Variants in CAPN2 observed in about 807,000 individuals in gnomAD.
CAPN2 encodes the protein calpain 2, also known as calpain-2 catalytic subunit.
Under a neutral mutation model 102.3 loss-of-function variants are expected in CAPN2, and 92 were observed. The observed-to-expected ratio is 0.90, with a 90% CI of 0.76 to 1.07. The LOEUF (loss-of-function observed/expected upper bound fraction) is 1.07. Among genes scored for constraint, CAPN2 ranks in the 50% least tolerant of loss-of-function variants. The pLI is 0.00. For missense variants in CAPN2, 800 were observed against 909.4 expected, an observed-to-expected ratio of 0.88 and a Z score of 1.55; for synonymous variants, 340 against 355.4, an observed-to-expected ratio of 0.96 and a Z score of 0.49.
intron 3 of CAPN2, among the ~76,000 whole-genome samples, chr1:223,744,436 T>C (rs1026718952): frequency 1.3e-5 from 2 of 151,770 alleles, no homozygotes; most frequent in South Asian, 4.2e-4. Context: ...TCTTGGGACA[T>C]GTAAAAGGGA....
chr1:223,732,778 T>A (rs1407713616), intron 2 of CAPN2, among the ~76,000 whole-genome samples: 3 of 152,162 alleles, frequency 2.0e-5, no homozygotes, highest in Non-Finnish European at 4.4e-5. Context: ...ATGGTGATTT[T>A]CTTCTACAGG....
At chr1:223,770,007 C>A in intron 17 of CAPN2, 98 bp downstream of exon 17, 1 of 1,011,682 alleles carries the variant, frequency 9.9e-7, no homozygotes, top group Non-Finnish European at 1.5e-6. Context: ...GAAACATTTC[C>A]AAGGGGATTG....
chr1:223,723,140 G>A (rs1036631641), intron 2 of CAPN2, among the ~76,000 whole-genome samples: 3 of 152,060 alleles, frequency 2.0e-5, no homozygotes, highest in Non-Finnish European at 4.4e-5. Context: ...GGGCAACATA[G>A]CAAAACTCTG....
At chr1:223,712,055 C>T (rs1286834112), upstream of CAPN2, among the ~76,000 whole-genome samples, 1 of 152,180 alleles carries the variant, frequency 6.6e-6, no homozygotes, top group Non-Finnish European at 1.5e-5. Context: ...GTCTCCGAGG[C>T]TCAGTTTTCT....
chr1:223,765,098 C>G (rs1354335464), intron 15 of CAPN2, among the ~76,000 whole-genome samples: 1 of 152,248 alleles, frequency 6.6e-6, no homozygotes, highest in Non-Finnish European at 1.5e-5. Context: ...AGTTAGGAAT[C>G]TGCATCAGAG....
intron 1 of CAPN2, among the ~76,000 whole-genome samples, chr1:223,706,302 G>A (rs1224706764): frequency 6.6e-6 from 1 of 152,162 alleles, no homozygotes; most frequent in Admixed American, 6.5e-5. Context: ...TCCCTCCTGA[G>A]TGGCATCTAA....
chr1:223,751,934 C>CT, intron 7 of CAPN2, 63 bp from the exon 8 acceptor site: 1 of 1,133,618 alleles, frequency 8.8e-7, no homozygotes, highest in Non-Finnish European at 1.3e-6. Flanking sequence ...TCTTCCTCAA[C>CT]TCTGGGGCCT....
chr1:223,727,029 A>G lies in CAPN2; in HGVS notation c.307+9198A>G, dbSNP rs1660211018. ...CTCCTCCCTTCCAAAGCGAAGACCC[A>G]CAGCTGCCTGAAAATGTGGCTCTCC... On this transcript the variant is annotated intron_variant, in intron 2 of 20. Transcript: ENST00000295006. The surrounding 1 kb of genome is among the most constrained non-coding windows in gnomAD (Gnocchi z 4.1). 6.6e-6 allele frequency among the ~76,000 whole-genome samples: 1 copy of G among 152,130 alleles called. No individual in the cohort carries two copies. Among genetic ancestry groups the G allele is most frequent in the Non-Finnish European group, 1.5e-5 (1 of 68,020 alleles).
rs528457869 is a variant in CAPN2, at chr1:223,754,899, G to T, written c.1136-581G>T. 6.5e-3 allele frequency among the ~76,000 whole-genome samples: 992 copies of T among 152,248 alleles called. 20 individuals carry two copies. Among genetic ancestry groups the T allele is most frequent in the African/African-American group, 0.023 (942 of 41,550 alleles). On this transcript the variant is annotated intron_variant, in intron 9 of 20. Transcript: ENST00000295006. The surrounding 1 kb of genome is among the most constrained non-coding windows in gnomAD (Gnocchi z 4.7). ...GCCCCAGGCTCCCCATCAGAGCCCA[G>T]TGAAGAGAAGGTACCATGAGGGGAA...
chr1:223,736,413 CAG>C (rs1429731298), intron 2 of CAPN2, among the ~76,000 whole-genome samples: 1 of 152,226 alleles, frequency 6.6e-6, no homozygotes, highest in African/African-American at 2.4e-5. Flanking sequence ...GCGGTAAGGT[CAG>C]TGCTTTGAGG....
chr1:223,750,874 T>G lies in CAPN2; in HGVS notation c.814-16T>G, dbSNP rs763028781. The G allele has an allele frequency of 7.4e-5, 115 of 1,550,924 alleles. No individual in the cohort carries two copies. The highest frequency in any genetic ancestry group is 5.0e-4 in the Middle Eastern group (3 of 6,010). On this transcript the variant is annotated splice_polypyrimidine_tract_variant and intron_variant, in intron 6 of 20. Transcript: ENST00000295006. ...GAACTCAACCTCTTACTCCTCCCTT[T>G]TATCTAATCCTGCAGGTTGAAAGTA...
rs574161963 is a variant in CAPN2, at chr1:223,767,292, A to T, written c.1755+861A>T. ...CCATGCTGGTGCTTTGCACCCACTA[A>T]CTCGTCATCTAGCATTAGGTATATC... On this transcript the variant is annotated intron_variant, in intron 16 of 20. Coordinates refer to ENST00000295006, the MANE Select transcript of CAPN2 (RefSeq NM_001748.5). Among the ~76,000 whole-genome samples, 8 of 150,230 alleles carry T rather than the reference A, an allele frequency of 5.3e-5. No individual in the cohort carries two copies. In the South Asian group the frequency reaches 1.7e-3, roughly 32 times the overall value.
rs891735838 is a variant in CAPN2 at position 223,756,859 on chromosome 1, C to G, written c.1306-510C>G. On this transcript the variant is annotated intron_variant, in intron 10 of 20. Coordinates refer to ENST00000295006, the MANE Select transcript of CAPN2 (RefSeq NM_001748.5). The surrounding 1 kb of genome is among the most constrained non-coding windows in gnomAD (Gnocchi z 4.1). Reference sequence around the variant, plus strand: ...CCACCGGCTTATGGGCTTGGAAATGCAGCCACGGGCTTTCAGAGTTGGGAC... The same window carrying G: ...CCACCGGCTTATGGGCTTGGAAATGGAGCCACGGGCTTTCAGAGTTGGGAC... 1.3e-5 allele frequency among the ~76,000 whole-genome samples: 2 copies of G among 152,208 alleles called. No homozygotes were observed. Among genetic ancestry groups the G allele is most frequent in the Non-Finnish European group, 2.9e-5 (2 of 68,042 alleles).
Position 223,755,299 on chromosome 1 carries a change from T to TTCTGCCATAC in CAPN2, c.1136-172_1136-163dup, listed in dbSNP as rs964456813. Among the ~76,000 whole-genome samples the TTCTGCCATAC allele has an allele frequency of 1.4e-4, 22 of 151,852 alleles. No homozygotes were observed. The highest frequency in any genetic ancestry group is 2.9e-4 in the Non-Finnish European group (20 of 67,956). On this transcript the variant is annotated intron_variant, in intron 9 of 20. Transcript: ENST00000295006. The surrounding 1 kb of genome is among the most constrained non-coding windows in gnomAD (Gnocchi z 4.1). ...ACATCTCCCGCTGTCTCCCACCATCTTCTGCCATACTCTGCCATCTCCCAC... is the reference window on the plus strand; with the variant it reads ...ACATCTCCCGCTGTCTCCCACCATCTTCTGCCATACTCTGCCATACTCTGCCATCTCCCAC...
intron 1 of CAPN2, 122 bp downstream of exon 1, chr1:223,712,999 A>C (rs1020660114): frequency 3.3e-6 from 2 of 608,316 alleles, no homozygotes; most frequent in Non-Finnish European, 4.8e-6. Flanking sequence ...GCCGCAAGCC[A>C]GGACCTCGCA....
Position 223,739,806 on chromosome 1 carries a change from G to A in CAPN2, c.308-4294G>A, listed in dbSNP as rs78384828. On this transcript the variant is annotated intron_variant, in intron 2 of 20. Transcript: ENST00000295006. ...CAGGAGAGGCCTCCGTCACTGGAAG[G>A]CACCCTCAGGGGCTTTCCTGGAGCT... is the stretch of plus-strand genomic sequence containing the variant. Among the ~76,000 whole-genome samples, 509 of 152,342 alleles carry A rather than the reference G, an allele frequency of 3.3e-3. 1 individual carries two copies. The highest frequency in any genetic ancestry group is 0.012 in the African/African-American group (480 of 41,574).
chr1:223,755,658 C>G lies in CAPN2; in HGVS notation c.1305+9C>G. ...GCTTTGGCATCTATGAGGTGCAGAG[C>G]GCAGGGGCTCCTGCCCTCCCTTCCC... On this transcript the variant is annotated intron_variant, in intron 10 of 20. Transcript: ENST00000295006. This position sits in a 1 kb window ranked among gnomAD's most constrained non-coding sequence, Gnocchi z 4.1. 1 of 1,558,930 alleles carries G rather than the reference C, an allele frequency of 6.4e-7. No individual in the cohort carries two copies. Among genetic ancestry groups the G allele is most frequent in the Non-Finnish European group, 8.7e-7 (1 of 1,152,670 alleles).
chr1:223,737,427 G>A (rs929257097), intron 2 of CAPN2, among the ~76,000 whole-genome samples: 15 of 152,162 alleles, frequency 9.9e-5, no homozygotes, highest in Admixed American at 6.5e-4. Context: ...CCAGGGCCCT[G>A]CTAGCGGGAG....
At chr1:223,736,701 G>T (rs1660464940) in intron 2 of CAPN2, among the ~76,000 whole-genome samples, 2 of 152,016 alleles carry the variant, frequency 1.3e-5, no homozygotes, top group Non-Finnish European at 2.9e-5. Flanking sequence ...TTCCCCCTGG[G>T]TATTTGCAGC....
Sources: allele counts gnomAD v4.1 joint callset (sites outside exome capture counted in the v4.1 genomes callset), GRCh38; gene constraint gnomAD v4.1.1; non-coding constraint Gnocchi (gnomAD v3.1); transcripts MANE v1.5; gene names NCBI Gene and HGNC (gene_info 2026-07-23, HGNC 2026-07-21).